Variants in TSHR observed in about 807,000 individuals in gnomAD.
TSHR encodes thyrotropin receptor.
TSHR carries 51 observed loss-of-function variants against 64.1 expected under a neutral mutation model. That is an observed-to-expected ratio of 0.80 (90% CI 0.64 to 1.01). TSHR has a LOEUF of 1.01. Among genes scored for constraint, TSHR ranks in the 50% least tolerant of loss-of-function variants. The pLI, the probability that TSHR is intolerant of heterozygous loss-of-function variation, is 0.00. For synonymous variants in TSHR, 361 were observed against 361.9 expected, an observed-to-expected ratio of 1.00 and a Z score of 0.03; for missense variants, 877 against 942.8, an observed-to-expected ratio of 0.93 and a Z score of 0.91.
In TSHR at chr14:80,970,930, G is replaced by A. The variant is rs141707537; in HGVS notation, c.170+15080G>A. Among the ~76,000 whole-genome samples the A allele has an allele frequency of 2.7e-4, 41 of 152,212 alleles. 1 individual carries two copies. Among genetic ancestry groups the A allele is most frequent in the African/African-American group, 9.4e-4 (39 of 41,538 alleles). On this transcript the variant is annotated intron_variant, in intron 1 of 9. Transcript: ENST00000298171. ...GCTTGTGGCAACCTCTGCCTCCAAGGCCCAAGCAATTACCCTGCCTCAGCC... is the reference window on the plus strand; with the variant it reads ...GCTTGTGGCAACCTCTGCCTCCAAGACCCAAGCAATTACCCTGCCTCAGCC...
chr14:80,983,628 G>T, intron 1 of TSHR: 1 of 891,810 alleles, frequency 1.1e-6, no homozygotes, highest in South Asian at 2.0e-5. Flanking sequence ...AGGGATTATT[G>T]AAGCAATGTA....
Position 81,094,679 on chromosome 14 carries a change from A to ATTTTTTTTTTTTTTTTTTTTT in TSHR, c.546-1956_546-1936dup, listed in dbSNP as rs1162262371. 4.7e-4 allele frequency among the ~76,000 whole-genome samples: 36 copies of ATTTTTTTTTTTTTTTTTTTTT among 76,262 alleles called. 1 individual carries two copies. The highest frequency in any genetic ancestry group is 1.0e-3 in the East Asian group (2 of 1,988). The allele number at this position is 76,262 out of a possible 152,430, so 50.0% of individuals were successfully genotyped here. A position where few individuals can be genotyped will look rare whatever the true frequency, so the allele number is the denominator to read the frequency against. On this transcript the variant is annotated intron_variant, in intron 6 of 9. Coordinates refer to ENST00000298171, the MANE Select transcript of TSHR (RefSeq NM_000369.5). ...CTCCTTTTATTTATTTATTTTTTTA[A>ATTTTTTTTTTTTTTTTTTTTT]TTTTTTTTTTTTTTTTTTTTTTTTG...
intron 1 of TSHR, among the ~76,000 whole-genome samples, chr14:80,965,716 A>G (rs1813767454): frequency 1.3e-5 from 2 of 152,218 alleles, no homozygotes; most frequent in South Asian, 2.1e-4. Flanking sequence ...TTCCATTTAG[A>G]TATCAGACCC....
chr14:81,140,941 G>A (rs1173366690), intron 9 of TSHR, among the ~76,000 whole-genome samples: 4 of 152,218 alleles, frequency 2.6e-5, no homozygotes, highest in Admixed American at 2.6e-4. Context: ...CCAACATGGT[G>A]AAACCCCGTC....
chr14:81,011,020 T>G (rs964873423), intron 1 of TSHR, among the ~76,000 whole-genome samples: 2 of 152,230 alleles, frequency 1.3e-5, no homozygotes, highest in Non-Finnish European at 2.9e-5. Context: ...ACTGTTCTTG[T>G]ATCTTACTGT....
At chr14:80,975,069 T>TC (rs1382237924) in intron 1 of TSHR, among the ~76,000 whole-genome samples, 1 of 152,236 alleles carries the variant, frequency 6.6e-6, no homozygotes, top group African/African-American at 2.4e-5. Flanking sequence ...CATAAGATGG[T>TC]CATGTCCTAT....
At chr14:80,987,299 G>A (rs1888508143) in intron 1 of TSHR, among the ~76,000 whole-genome samples, 1 of 152,176 alleles carries the variant, frequency 6.6e-6, no homozygotes, top group African/African-American at 2.4e-5. Flanking sequence ...GGTCCCCCAT[G>A]AGGCAATTTG....
At chr14:81,019,063 G>A (rs1309399223) in intron 1 of TSHR, among the ~76,000 whole-genome samples, 1 of 152,178 alleles carries the variant, frequency 6.6e-6, no homozygotes, top group African/African-American at 2.4e-5. Context: ...TTAAGCAATT[G>A]TAACAGAATG....
At chr14:81,024,500 G>A (rs899230853) in intron 1 of TSHR, among the ~76,000 whole-genome samples, 2 of 152,068 alleles carry the variant, frequency 1.3e-5, no homozygotes, top group Non-Finnish European at 2.9e-5. Flanking sequence ...GCCCACCTTG[G>A]CCTCCCAAAG....
At chr14:81,002,800 T>TGTGC (rs1252721497) in intron 1 of TSHR, among the ~76,000 whole-genome samples, 1 of 36,198 alleles carries the variant, frequency 2.8e-5, no homozygotes, top group Admixed American at 5.1e-4. Flanking sequence ...TTTTTTTTTT[T>TGTGC]TTTTTTTATC....
At position 81,145,491 on chromosome 14, in the gene TSHR, A is replaced by T. The variant is rs998549033; in HGVS notation, c.*1138A>T. On this transcript the variant is annotated 3_prime_UTR_variant, in exon 10 of 10. Coordinates refer to ENST00000298171, the MANE Select transcript of TSHR (RefSeq NM_000369.5). ...TCTGAATCATTCATTTAATTACTAGATCTACCCAGCTGTTATATCAGGCCA... is the reference window on the plus strand; with the variant it reads ...TCTGAATCATTCATTTAATTACTAGTTCTACCCAGCTGTTATATCAGGCCA... 6.3e-5 allele frequency: 10 copies of T among 157,700 alleles called. No homozygotes were observed. Among genetic ancestry groups the T allele is most frequent in the Non-Finnish European group, 1.0e-4 (9 of 87,162 alleles). The allele number at this position is 157,700 out of a possible 1,614,324, so 9.8% of individuals were successfully genotyped here.
At chr14:80,996,303 T>C (rs1889017775) in intron 1 of TSHR, among the ~76,000 whole-genome samples, 1 of 152,138 alleles carries the variant, frequency 6.6e-6, no homozygotes, top group African/African-American at 2.4e-5. Flanking sequence ...CCTTTGCTTC[T>C]ACATCCTCCC....
At chr14:80,976,071 C>T (rs926625081) in intron 1 of TSHR, among the ~76,000 whole-genome samples, 1 of 152,114 alleles carries the variant, frequency 6.6e-6, no homozygotes, top group Non-Finnish European at 1.5e-5. Flanking sequence ...GCAACCACGC[C>T]CGGCTAATTT....
At chr14:81,005,812 A>C (rs1052869075) in intron 1 of TSHR, among the ~76,000 whole-genome samples, 1 of 152,240 alleles carries the variant, frequency 6.6e-6, no homozygotes, top group African/African-American at 2.4e-5. Flanking sequence ...AAAGTTCTAA[A>C]TAATTTGACC....
intron 1 of TSHR, among the ~76,000 whole-genome samples, chr14:80,995,901 G>A (rs1888990218): frequency 6.6e-6 from 1 of 151,662 alleles, no homozygotes. Context: ...AAAAACAGTA[G>A]GCTATTGGTA....
intron 8 of TSHR, among the ~76,000 whole-genome samples, chr14:81,114,848 G>A (rs145946597): frequency 0.068 from 10,302 of 152,222 alleles, 885 homozygotes; most frequent in East Asian, 0.23. Context: ...CAGGCAGACT[G>A]CCTCCTCAAG....
At chr14:80,995,974 C>CTAA (rs1888997572) in intron 1 of TSHR, among the ~76,000 whole-genome samples, 1 of 152,106 alleles carries the variant, frequency 6.6e-6, no homozygotes. Flanking sequence ...GTCGACACTC[C>CTAA]TAAACCCCTC....
At chr14:80,982,029 G>A (rs575270476) in intron 1 of TSHR, 7 of 412,786 alleles carry the variant, frequency 1.7e-5, no homozygotes, top group East Asian at 1.0e-4. Flanking sequence ...AGGCCAAAGC[G>A]GAAAAGAGTC....
intron 3 of TSHR, chr14:81,078,769 A>C (rs1352096280): frequency 1.3e-5 from 2 of 152,224 alleles, no homozygotes; most frequent in Non-Finnish European, 1.5e-5. Flanking sequence ...AGCTGAGCCT[A>C]ACCTTCTAGC....
Sources: allele counts gnomAD v4.1 joint callset (sites outside exome capture counted in the v4.1 genomes callset), GRCh38; gene constraint gnomAD v4.1.1; transcripts MANE v1.5; gene names NCBI Gene and HGNC (gene_info 2026-07-23, HGNC 2026-07-21).